Variants in ARL10 observed in about 807,000 individuals in gnomAD.
ARL10 encodes ADP-ribosylation factor-like protein 10.
In ARL10, 23 loss-of-function variants were observed where a neutral mutation model predicts 26.1. That is an observed-to-expected ratio of 0.88 (90% confidence interval 0.63 to 1.25). The LOEUF is 1.25. ARL10 is among the 50% of genes most tolerant of loss of function. ARL10 has a pLI of 0.00. For synonymous variants in ARL10, 138 were observed against 149.1 expected (o/e 0.93, Z 0.54); for missense variants, 300 against 323.6 (o/e 0.93, Z 0.56).
chr5:176,400,476 T>G (rs929823763), intron 1 of ARL10, among the ~76,000 whole-genome samples: 8 of 151,992 alleles, frequency 5.3e-5, no homozygotes, highest in African/African-American at 1.7e-4. Context: ...TCTGCTCACG[T>G]CTCCCCACCC....
In ARL10 at chr5:176,376,122, G is replaced by C. The variant is rs979558794; in HGVS notation, c.*4227G>C. 3.9e-5 allele frequency: 6 copies of C among 152,290 alleles called. No homozygotes were observed. The highest frequency in any genetic ancestry group is 1.4e-4 in the African/African-American group (6 of 41,446). 9.4% of individuals were successfully genotyped at this position (152,290 alleles called of 1,614,324 possible). A position where few individuals can be genotyped will look rare whatever the true frequency, so the allele number is the denominator to read the frequency against. On this transcript the variant is annotated 3_prime_UTR_variant, in exon 4 of 4. Coordinates refer to ENST00000310389, the MANE Select transcript of ARL10 (RefSeq NM_173664.6). Reference sequence around the variant, plus strand: ...CACGCCTGTAATCCCAGCACTCTGGGAGGCTGAGGTGGACGGATCACGAGG... The same window carrying C: ...CACGCCTGTAATCCCAGCACTCTGGCAGGCTGAGGTGGACGGATCACGAGG...
exon 2 of ARL10, chr5:176,388,544 C>T (rs1451026483): frequency 6.2e-7 from 1 of 1,606,488 alleles, no homozygotes; most frequent in Non-Finnish European, 8.5e-7. Flanking sequence ...GGGCATCGCG[C>T]TGACCACCGC....
At chr5:176,389,159 G>A (rs776817036), downstream of ARL10, among the ~76,000 whole-genome samples, 1 of 152,076 alleles carries the variant, frequency 6.6e-6, no homozygotes, top group Admixed American at 6.5e-5. Flanking sequence ...CGGGATTTGG[G>A]GCCTAAGATT....
rs1210041002 is a variant in ARL10 at position 176,397,826 on chromosome 5, A to C, written c.134-3915A>C. On this transcript the variant is annotated intron_variant, in intron 1 of 1. Coordinates refer to the ARL10 transcript ENST00000514533. ...GGCAGCCACAGGGCCGCACCGGCCC[A>C]GTCCCACATTAAGGCATGCAGCATC... The C allele has an allele frequency of 2.7e-6, 4 of 1,465,574 alleles. No individual in the cohort carries two copies. In the African/African-American group the frequency reaches 5.6e-5, roughly 20 times the overall value. 90.8% of individuals were successfully genotyped at this position (1,465,574 alleles called of 1,614,324 possible).
In ARL10 at chr5:176,374,093, C is replaced by T. The variant is rs1206667124; in HGVS notation, c.*2198C>T. ...TGAACATGTTTTAGCAGCCTTCAGC[C>T]GACGATTGACTGAAGGTTTGGCTGC... On this transcript the variant is annotated 3_prime_UTR_variant, in exon 4 of 4. Coordinates refer to ENST00000310389, the MANE Select transcript of ARL10 (RefSeq NM_173664.6). The T allele has an allele frequency of 1.3e-5, 2 of 152,088 alleles. No homozygotes were observed. The highest frequency in any genetic ancestry group is 6.5e-5 in the Admixed American group (1 of 15,276). 9.4% of individuals were successfully genotyped at this position (152,088 alleles called of 1,614,324 possible). A position where few individuals can be genotyped will look rare whatever the true frequency, so the allele number is the denominator to read the frequency against.
rs1008049457 is a variant in ARL10 at position 176,373,077 on chromosome 5, C to T, written c.*1182C>T. ...CAGGATGTTGAAAGGGTGCAAATTC[C>T]TTCTGGGTAGATAAGAAATGACTCT... On this transcript the variant is annotated 3_prime_UTR_variant, in exon 4 of 4. Coordinates refer to ENST00000310389, the MANE Select transcript of ARL10 (RefSeq NM_173664.6). 2 of 398,466 alleles carry T rather than the reference C, an allele frequency of 5.0e-6. No individual in the cohort carries two copies. The highest frequency in any genetic ancestry group is 4.1e-5 in the African/African-American group (2 of 48,618). 24.7% of individuals were successfully genotyped at this position (398,466 alleles called of 1,614,324 possible).
chr5:176,390,200 AAAAG>A (rs1335145008), downstream of ARL10, among the ~76,000 whole-genome samples: 4 of 151,252 alleles, frequency 2.6e-5, no homozygotes, highest in Admixed American at 6.6e-5. Context: ...AAAAAAAAAA[AAAAG>A]AATCTCAAGG....
At chr5:176,388,647 GA>G, downstream of ARL10, 1 of 1,347,174 alleles carries the variant, frequency 7.4e-7, no homozygotes, top group Non-Finnish European at 1.0e-6. Flanking sequence ...GGCATTTGGG[GA>G]AATGTAGTCC....
chr5:176,369,240 G>T (rs1220483629), intron 3 of ARL10: 23 of 1,268,426 alleles, frequency 1.8e-5, no homozygotes, highest in Middle Eastern at 2.0e-4. Flanking sequence ...TTTTGTTTTT[G>T]TTTTTTTTTT....
rs201119711 is a variant in ARL10, at chr5:176,397,512, TC to T, written c.134-4225del. 1,122 of 189,132 alleles carry T rather than the reference TC, an allele frequency of 5.9e-3. 30 individuals are homozygous for T. Among genetic ancestry groups the T allele is most frequent in the Non-Finnish European group, 6.7e-3 (787 of 117,320 alleles). 11.7% of individuals were successfully genotyped at this position (189,132 alleles called of 1,614,324 possible). A position where few individuals can be genotyped will look rare whatever the true frequency, so the allele number is the denominator to read the frequency against. The stretch of plus-strand genomic sequence containing the variant: ...TCCCTCATGTCCCCACCCCTTCATG[TC>T]CCCATGGCCCCCTCATGTCCCCACG... On this transcript the variant is annotated intron_variant, in intron 1 of 1. Coordinates refer to the ARL10 transcript ENST00000514533.
downstream of ARL10, chr5:176,388,730 T>A (rs958432782): frequency 3.9e-6 from 6 of 1,536,468 alleles, no homozygotes; most frequent in Admixed American, 1.9e-5. Context: ...CGTACAAGGC[T>A]CAATTTATTC....
In ARL10 at chr5:176,366,480, G is replaced by T. The variant is rs775915373; in HGVS notation, c.284G>T (p.Arg95Leu). 2.0e-5 allele frequency: 33 copies of T among 1,613,914 alleles called. No individual in the cohort carries two copies. Among genetic ancestry groups the T allele is most frequent in the Non-Finnish European group, 2.7e-5 (32 of 1,180,024 alleles). ...LDGAGKSTFL[R>L]VLSGKPPLEG... ...GGCGCAGGCAAGAGCACGTTCCTGC[G>T]CGTGTTGTCGGGGAAGCCACCGCTG... Residue 95 changes from arginine to leucine, a missense_variant, in exon 2 of 4, where the codon CGC (arginine) becomes CTC (leucine). Physicochemically the swap from Arg to Leu is moderately radical, Grantham distance 102 (BLOSUM62 -2). Transcript: ENST00000310389.
intron 2 of ARL10, 109 bp downstream of exon 2, chr5:176,366,690 C>A: frequency 7.8e-7 from 1 of 1,280,200 alleles, no homozygotes; most frequent in Non-Finnish European, 1.1e-6. Context: ...ACATTCCCCT[C>A]TACGAATCCT....
chr5:176,400,879 A>G (rs1013905172), intron 1 of ARL10, among the ~76,000 whole-genome samples: 3 of 152,116 alleles, frequency 2.0e-5, no homozygotes, highest in Non-Finnish European at 2.9e-5. Context: ...GCCAGCAGGC[A>G]CCCGGTTCAA....
intron 3 of ARL10, among the ~76,000 whole-genome samples, chr5:176,371,240 T>A (rs1467070211): frequency 1.3e-5 from 2 of 152,178 alleles, no homozygotes; most frequent in East Asian, 1.9e-4. Context: ...CCAGGCGTGG[T>A]GGCTCACACC....
At chr5:176,382,679 C>T (rs1302602927), downstream of ARL10, among the ~76,000 whole-genome samples, 2 of 151,982 alleles carry the variant, frequency 1.3e-5, no homozygotes, top group East Asian at 3.9e-4. Context: ...TCACTTGGGC[C>T]GGGAGGTTGA....
chr5:176,371,112 T>C lies in ARL10; in HGVS notation c.562-610T>C, dbSNP rs551801527. 3.0e-3 allele frequency among the ~76,000 whole-genome samples: 454 copies of C among 152,234 alleles called. 4 individuals are homozygous for C. Among genetic ancestry groups the C allele is most frequent in the Non-Finnish European group, 2.0e-3 (136 of 67,992 alleles). On this transcript the variant is annotated intron_variant, in intron 3 of 3. Coordinates refer to ENST00000310389, the MANE Select transcript of ARL10 (RefSeq NM_173664.6). ...ATTTCTAGCCGGGCGTGGTGGCTCA[T>C]GCCTGTAATCCCAGCACTTTGGGAG...
chr5:176,391,772 C>A (rs1756270406), downstream of ARL10, among the ~76,000 whole-genome samples: 2 of 152,204 alleles, frequency 1.3e-5, no homozygotes, highest in Non-Finnish European at 2.9e-5. Flanking sequence ...ACAGACCCTT[C>A]CCCAGCTCCT....
At chr5:176,402,987 G>A (rs1181972031), downstream of ARL10, among the ~76,000 whole-genome samples, 7 of 152,050 alleles carry the variant, frequency 4.6e-5, 1 homozygote, top group African/African-American at 9.7e-5. Flanking sequence ...GAGGGGCCCT[G>A]AACAGGAGTC....
Sources: gnomAD v4.1 joint callset for allele counts (sites outside exome capture counted in the v4.1 genomes callset) on GRCh38, gnomAD v4.1.1 for gene constraint, MANE v1.5 for transcripts, NCBI Gene and HGNC (gene_info 2026-07-23, HGNC 2026-07-21) for gene names.